The following SVOPL variants were observed in gnomAD, a reference collection of about 807,000 sequenced individuals.
SVOPL encodes SVOP like, also known as putative transporter SVOPL.
In SVOPL, 60 loss-of-function variants were observed where a neutral mutation model predicts 61.0. That is an observed-to-expected ratio of 0.98 (90% confidence interval 0.80 to 1.22). SVOPL has a LOEUF of 1.22. Ranked by LOEUF, SVOPL falls within the 50% of genes most tolerant of loss-of-function variation. SVOPL has a pLI of 0.00. For synonymous variants in SVOPL, 279 were observed against 250.0 expected, an observed-to-expected ratio of 1.12 and a Z score of -1.09; for missense variants, 662 against 643.9, an observed-to-expected ratio of 1.03 and a Z score of -0.30.
At chr7:138,628,422 G>C in intron 10 of SVOPL, 59 bp from the exon 11 acceptor site, 3 of 1,556,646 alleles carry the variant, frequency 1.9e-6, no homozygotes, top group Non-Finnish European at 2.6e-6. Flanking sequence ...AAGGATGAGT[G>C]GGGAGGGGAT....
At chr7:138,659,173 C>T (rs1801886766) in intron 6 of SVOPL, among the ~76,000 whole-genome samples, 1 of 152,152 alleles carries the variant, frequency 6.6e-6, no homozygotes, top group Non-Finnish European at 1.5e-5. Context: ...CTACTGATAA[C>T]TCCTTCAACC....
chr7:138,630,862 G>C (rs895586036), intron 9 of SVOPL, among the ~76,000 whole-genome samples: 3 of 150,120 alleles, frequency 2.0e-5, no homozygotes, highest in Middle Eastern at 3.5e-3. Context: ...AGAATCACTT[G>C]AACCCAGGAG....
intron 14 of SVOPL, among the ~76,000 whole-genome samples, chr7:138,599,358 A>G (rs1445097288): frequency 6.6e-6 from 1 of 152,084 alleles, no homozygotes; most frequent in Non-Finnish European, 1.5e-5. Context: ...TTAGCAGTGT[A>G]GTGTTGGTGC....
chr7:138,643,519 TTCA>T (rs1318742176), intron 9 of SVOPL, among the ~76,000 whole-genome samples: 4 of 151,826 alleles, frequency 2.6e-5, no homozygotes, highest in African/African-American at 9.7e-5. Flanking sequence ...AGTAGAAGTG[TTCA>T]TCAACAAACA....
chr7:138,700,431 C>T (rs1164055427), intron 1 of SVOPL, among the ~76,000 whole-genome samples: 3 of 150,770 alleles, frequency 2.0e-5, no homozygotes, highest in South Asian at 2.1e-4. Flanking sequence ...CTCTGCCTCC[C>T]GGGTTCAAGC....
chr7:138,663,656 G>A (rs1343825254), intron 4 of SVOPL: 3 of 937,732 alleles, frequency 3.2e-6, no homozygotes, highest in African/African-American at 3.6e-5. Context: ...ACAATGGCCT[G>A]TCCTCCCCTG....
chr7:138,627,548 T>C, intron 11 of SVOPL, 87 bp from the exon 12 acceptor site: 1 of 1,006,358 alleles, frequency 9.9e-7, no homozygotes, highest in Non-Finnish European at 1.5e-6. Flanking sequence ...TCCTTGTCGT[T>C]TCAGAAAGAA....
chr7:138,598,077 T>C (rs1439989175), intron 14 of SVOPL, among the ~76,000 whole-genome samples: 1 of 152,232 alleles, frequency 6.6e-6, no homozygotes, highest in Non-Finnish European at 1.5e-5. Context: ...AGTCAGTTTC[T>C]GTTGTCTGTA....
intron 14 of SVOPL, among the ~76,000 whole-genome samples, chr7:138,619,363 T>C (rs1799445038): frequency 6.6e-6 from 1 of 151,772 alleles, no homozygotes; most frequent in Non-Finnish European, 1.5e-5. Context: ...GAGCCATGAC[T>C]GTACCCCAGC....
chr7:138,680,377 G>T (rs868158848), intron 1 of SVOPL, among the ~76,000 whole-genome samples: 11 of 152,134 alleles, frequency 7.2e-5, no homozygotes, highest in South Asian at 6.2e-4. Context: ...CCAAACTCCT[G>T]ACCTCAAGTG....
intron 14 of SVOPL, among the ~76,000 whole-genome samples, chr7:138,604,748 GAAGTTA>G (rs1798680845): frequency 7.2e-6 from 1 of 138,472 alleles, no homozygotes; most frequent in African/African-American, 2.7e-5. Context: ...TCCAATTCAA[GAAGTTA>G]AAGTTAATAA....
intron 1 of SVOPL, among the ~76,000 whole-genome samples, chr7:138,688,786 G>T (rs530028625): frequency 3.3e-5 from 5 of 152,202 alleles, no homozygotes; most frequent in African/African-American, 1.2e-4. Flanking sequence ...CCACTCCTAG[G>T]TATAACCTCA....
intron 5 of SVOPL, chr7:138,662,437 C>T: frequency 1.0e-6 from 1 of 985,390 alleles, no homozygotes; most frequent in Non-Finnish European, 1.2e-6. Flanking sequence ...TACTTGGGTG[C>T]TCTGGGGGGT....
At chr7:138,694,207 A>G (rs1347103317) in intron 1 of SVOPL, among the ~76,000 whole-genome samples, 1 of 152,226 alleles carries the variant, frequency 6.6e-6, no homozygotes, top group Non-Finnish European at 1.5e-5. Context: ...ACACGTATAC[A>G]ACGATATAGG....
At chr7:138,628,105 G>A (rs1584800431) in intron 11 of SVOPL, 53 bp downstream of exon 11, 3 of 1,600,550 alleles carry the variant, frequency 1.9e-6, no homozygotes, top group East Asian at 2.2e-5. Context: ...TAAGACTCAA[G>A]TGCACATAGA....
At chr7:138,632,668 G>C (rs916823510) in intron 9 of SVOPL, among the ~76,000 whole-genome samples, 1 of 151,436 alleles carries the variant, frequency 6.6e-6, no homozygotes, top group Non-Finnish European at 1.5e-5. Context: ...GGGAGCCAGG[G>C]TGGAAAGGGA....
chr7:138,639,884 T>C (rs1479503126), intron 9 of SVOPL, among the ~76,000 whole-genome samples: 4 of 150,664 alleles, frequency 2.7e-5, no homozygotes, highest in Non-Finnish European at 4.4e-5. Context: ...AAATAGCTAG[T>C]TGGGACTACA....
At chr7:138,664,063 CCT>C (rs1802136650) in intron 4 of SVOPL, 1 of 320,336 alleles carries the variant, frequency 3.1e-6, no homozygotes. Context: ...GTTCCGTAAC[CCT>C]GTTTGACAGA....
intron 1 of SVOPL, among the ~76,000 whole-genome samples, chr7:138,693,931 T>A (rs1803010105): frequency 6.6e-6 from 1 of 152,210 alleles, no homozygotes; most frequent in African/African-American, 2.4e-5. Context: ...ATCAGGGACA[T>A]GAAGAATACA....
Sources: allele counts gnomAD v4.1 joint callset (sites outside exome capture counted in the v4.1 genomes callset), GRCh38; gene constraint gnomAD v4.1.1; transcripts MANE v1.5; gene names NCBI Gene and HGNC (gene_info 2026-07-23, HGNC 2026-07-21).